Variants in PHAX observed in about 807,000 individuals in gnomAD.
PHAX encodes the protein phosphorylated adapter RNA export protein.
Under a neutral mutation model 41.6 loss-of-function variants are expected in PHAX, and 31 were observed. That is an observed-to-expected ratio of 0.75 (90% CI 0.56 to 1.01). PHAX has a LOEUF of 1.01. PHAX is among the 50% of genes least tolerant of loss of function. The pLI, the probability that PHAX is intolerant of heterozygous loss-of-function variation, is 0.00. For missense variants in PHAX, 453 were observed against 472.9 expected (o/e 0.96, Z 0.39); for synonymous variants, 175 against 164.9 (o/e 1.06, Z -0.47).
chr5:126,601,920 G>A (rs1275964548), intron 1 of PHAX, among the ~76,000 whole-genome samples: 1 of 152,194 alleles, frequency 6.6e-6, no homozygotes, highest in Non-Finnish European at 1.5e-5. Flanking sequence ...GCCTGCCTCG[G>A]CCTCCAAAAG....
chr5:126,605,529 A>G (rs999209935), intron 2 of PHAX, among the ~76,000 whole-genome samples: 1 of 151,774 alleles, frequency 6.6e-6, no homozygotes, highest in African/African-American at 2.4e-5. Flanking sequence ...AGCTGGGACT[A>G]TAGGCATTCG....
chr5:126,601,152 G>A, intron 1 of PHAX, 94 bp downstream of exon 1: 1 of 863,340 alleles, frequency 1.2e-6, no homozygotes, highest in Non-Finnish European at 1.8e-6. Context: ...AGGGGTGGGA[G>A]CTAGGAGCCC....
At chr5:126,624,431 T>C (rs1344560929) in intron 4 of PHAX, 144 bp from the exon 5 acceptor site, 1 of 701,776 alleles carries the variant, frequency 1.4e-6, no homozygotes, top group South Asian at 2.0e-5. Flanking sequence ...TTACTTAATA[T>C]CTTGAACTCC....
chr5:126,603,112 G>A (rs938302780), intron 1 of PHAX, among the ~76,000 whole-genome samples: 2 of 150,846 alleles, frequency 1.3e-5, no homozygotes, highest in South Asian at 2.1e-4. Context: ...GGTGAAGGTT[G>A]CCTGTAGTCC....
chr5:126,602,929 C>T (rs1456037653), intron 1 of PHAX, among the ~76,000 whole-genome samples: 2 of 151,178 alleles, frequency 1.3e-5, no homozygotes, highest in Non-Finnish European at 2.9e-5. Flanking sequence ...GGTGTGAACC[C>T]GGGAGGCGGA....
intron 4 of PHAX, 133 bp from the exon 5 acceptor site, chr5:126,624,442 A>G (rs933755396): frequency 4.1e-6 from 3 of 738,520 alleles, no homozygotes; most frequent in East Asian, 2.6e-5. Context: ...CTTGAACTCC[A>G]TCTTAATAAT....
chr5:126,616,961 A>G (rs1441591688), intron 3 of PHAX, among the ~76,000 whole-genome samples: 1 of 151,794 alleles, frequency 6.6e-6, no homozygotes, highest in Admixed American at 6.6e-5. Flanking sequence ...TTGTTAGGTC[A>G]TTTGAGCTGA....
intron 4 of PHAX, among the ~76,000 whole-genome samples, chr5:126,618,310 C>T (rs1752219415): frequency 6.6e-6 from 1 of 151,708 alleles, no homozygotes. Flanking sequence ...ATTATTTGAA[C>T]AAGCGTAAGG....
intron 3 of PHAX, among the ~76,000 whole-genome samples, chr5:126,610,515 A>T (rs1166178517): frequency 6.6e-6 from 1 of 152,252 alleles, no homozygotes; most frequent in Non-Finnish European, 1.5e-5. Context: ...CAACAAAAGA[A>T]ATTATAATAA....
At chr5:126,617,214 G>C (rs1171832011) in intron 3 of PHAX, 36 bp from the exon 4 acceptor site, 2 of 1,317,696 alleles carry the variant, frequency 1.5e-6, no homozygotes, top group Admixed American at 1.7e-5. Flanking sequence ...TATGGGAAGA[G>C]TATATGCAGT....
chr5:126,609,057 A>C (rs1336318940), intron 3 of PHAX, among the ~76,000 whole-genome samples: 5 of 151,216 alleles, frequency 3.3e-5, no homozygotes, highest in African/African-American at 4.9e-5. Context: ...ATAGTCACCA[A>C]AACATTTCTT....
chr5:126,608,782 C>T (rs890141314), intron 3 of PHAX, among the ~76,000 whole-genome samples: 1 of 151,522 alleles, frequency 6.6e-6, no homozygotes, highest in Non-Finnish European at 1.5e-5. Flanking sequence ...ACTAAAAATA[C>T]AAAATTAGCC....
rs374981018 is a variant in PHAX, at chr5:126,600,986, G to A, written c.24G>A (p.Met8Ile). Reference protein sequence around the residue: MALEVGDMEDGQLSDSDS... With the variant: MALEVGDIEDGQLSDSDS... ...AGATGGCGTTGGAGGTCGGCGATATGGAAGATGGGCAGCTTTCCGACTCGG... is the reference window on the plus strand; with the variant it reads ...AGATGGCGTTGGAGGTCGGCGATATAGAAGATGGGCAGCTTTCCGACTCGG... Residue 8 changes from methionine (M) to isoleucine (I), a missense_variant, in exon 1 of 5, where the codon ATG becomes ATA. Transcript: ENST00000297540. 6.2e-7 allele frequency: 1 copy of A among 1,604,438 alleles called. No individual in the cohort carries two copies. The highest frequency in any genetic ancestry group is 1.4e-5 in the African/African-American group (1 of 72,994).
chr5:126,603,071 A>C (rs1282068797), intron 1 of PHAX, among the ~76,000 whole-genome samples: 2 of 129,504 alleles, frequency 1.5e-5, no homozygotes, highest in African/African-American at 3.9e-5. Context: ...CTACCAAAAA[A>C]TGCAAAAAAA....
chr5:126,604,268 AT>A, intron 2 of PHAX, 85 bp downstream of exon 2: 1 of 743,990 alleles, frequency 1.3e-6, no homozygotes. Flanking sequence ...CTTTAATGAT[AT>A]GTTCCTTTTT....
intron 3 of PHAX, among the ~76,000 whole-genome samples, chr5:126,614,856 A>G (rs1228890475): frequency 1.3e-5 from 2 of 151,990 alleles, no homozygotes; most frequent in Non-Finnish European, 2.9e-5. Context: ...TCCCGGGTTC[A>G]AGCGATTCTC....
intron 3 of PHAX, among the ~76,000 whole-genome samples, chr5:126,616,847 C>T (rs902852357): frequency 4.0e-5 from 6 of 149,252 alleles, no homozygotes; most frequent in African/African-American, 1.5e-4. Context: ...CGCCATTTCA[C>T]TCCAGCCTGA....
At chr5:126,610,659 T>C (rs1417447080) in intron 3 of PHAX, among the ~76,000 whole-genome samples, 1 of 152,270 alleles carries the variant, frequency 6.6e-6, no homozygotes, top group Non-Finnish European at 1.5e-5. Flanking sequence ...AGTGAGCTAA[T>C]GCAGATTTAC....
At chr5:126,601,470 C>T (rs1459107977) in intron 1 of PHAX, among the ~76,000 whole-genome samples, 2 of 152,178 alleles carry the variant, frequency 1.3e-5, no homozygotes, top group Non-Finnish European at 2.9e-5. Context: ...CATAAAGGGG[C>T]AGATTTTGCC....
Sources: gnomAD v4.1 joint callset for allele counts (sites outside exome capture counted in the v4.1 genomes callset) on GRCh38, gnomAD v4.1.1 for gene constraint, MANE v1.5 for transcripts, NCBI Gene and HGNC (gene_info 2026-07-23, HGNC 2026-07-21) for gene names.